Variants in KLF9 observed in about 807,000 individuals in gnomAD.
The protein encoded by KLF9 is KLF transcription factor 9, also known as Krueppel-like factor 9.
A neutral mutation model predicts 17.3 loss-of-function variants in KLF9; 2 were observed. That is an observed-to-expected ratio of 0.12 (90% confidence interval 0.05 to 0.36). KLF9 has a LOEUF of 0.36. Ranked by LOEUF, KLF9 falls within the 10% of genes least tolerant of loss-of-function variation. KLF9 has a pLI of 1.00. For synonymous variants in KLF9, 138 were observed against 139.2 expected, an observed-to-expected ratio of 0.99 and a Z score of 0.06; for missense variants, 226 against 333.2, an observed-to-expected ratio of 0.68 and a Z score of 2.51.
At position 70,413,367 on chromosome 9, in the gene KLF9, G is replaced by GCGGGCGACGGCAGCC. The variant is rs1020450395; in HGVS notation, c.-19_-5dup. On this transcript the variant is annotated 5_prime_UTR_variant, in exon 1 of 2. Coordinates refer to ENST00000377126, the MANE Select transcript of KLF9 (RefSeq NM_001206.4). This position sits in a 1 kb window ranked among gnomAD's most constrained non-coding sequence, Gnocchi z 5.6. ...CCATGTAGGCGGCCGCGGACATGGT[G>GCGGGCGACGGCAGCC]CGGGCGACGGCAGCCCAGGCGGCGC... is the stretch of plus-strand genomic sequence containing the variant. 2.0e-6 allele frequency: 3 copies of GCGGGCGACGGCAGCC among 1,510,164 alleles called. No homozygotes were observed. In the Admixed American group the frequency reaches 6.2e-5, roughly 31 times the overall value. The allele number at this position is 1,510,164 out of a possible 1,614,324, so 93.5% of individuals were successfully genotyped here.
At chr9:70,410,993 A>G (rs187041356) in intron 1 of KLF9, among the ~76,000 whole-genome samples, 1 of 152,354 alleles carries the variant, frequency 6.6e-6, no homozygotes, top group East Asian at 1.9e-4. Context: ...CTGAATGAAC[A>G]TCTCACTTCG....
In KLF9 at chr9:70,413,070, G is replaced by T. The variant is rs2037339222; in HGVS notation, c.294C>A (p.Asp98Glu). The change falls in exon 1 of 2, where the codon GAC (aspartate) becomes GAA (glutamate). Residue 98 changes from aspartate (D) to glutamate (E), a missense_variant. Transcript: ENST00000377126. This position sits in a 1 kb window ranked among gnomAD's most constrained non-coding sequence, Gnocchi z 5.6. ...SPDEDMGSDS[D>E]VTTESGSSPS... ...GACTCGACCCAGATTCGGTGGTCACGTCGCTGTCGGATCCCATATCCTCAT... is the reference window on the plus strand; with the variant it reads ...GACTCGACCCAGATTCGGTGGTCACTTCGCTGTCGGATCCCATATCCTCAT... 1.2e-6 allele frequency: 2 copies of T among 1,613,932 alleles called. No homozygotes were observed. The highest frequency in any genetic ancestry group is 1.3e-5 in the African/African-American group (1 of 74,902).
rs760670637 is a variant in KLF9 at position 70,413,061 on chromosome 9, G to C, written c.303C>G (p.Thr101=). Residue 101 remains threonine, a synonymous_variant, in exon 1 of 2, where the codon ACC becomes ACG. Coordinates refer to ENST00000377126, the MANE Select transcript of KLF9 (RefSeq NM_001206.4). This position sits in a 1 kb window ranked among gnomAD's most constrained non-coding sequence, Gnocchi z 5.6. ...TGTGGGAAGGACTCGACCCAGATTC[G>C]GTGGTCACGTCGCTGTCGGATCCCA... ...EDMGSDSDVT[T]ESGSSPSHSP... is the part of the protein sequence containing the mutation. The C allele has an allele frequency of 6.2e-7, 1 of 1,614,086 alleles. No homozygotes were observed. Among genetic ancestry groups the C allele is most frequent in the Non-Finnish European group, 8.5e-7 (1 of 1,179,966 alleles).
intron 1 of KLF9, among the ~76,000 whole-genome samples, chr9:70,412,339 T>C (rs2037325686): frequency 1.3e-5 from 2 of 151,852 alleles, no homozygotes; most frequent in Admixed American, 1.3e-4. Flanking sequence ...CCCAGCCAAA[T>C]TTAAAACCAC....
At position 70,412,873 on chromosome 9, in the gene KLF9, T is replaced by C; in HGVS notation, c.491A>G (p.Tyr164Cys). The change falls in exon 1 of 2, where the codon TAC becomes TGC. Residue 164 changes from tyrosine (Y) to cysteine (C), a missense_variant. Tyr to Cys is a radical substitution (Grantham distance 194, BLOSUM62 -2). Coordinates refer to ENST00000377126, the MANE Select transcript of KLF9 (RefSeq NM_001206.4). ...YGKSSHLKAH[Y>C]RVHTGERPFP... ...ACGCCGCTAACCTGTATGCACTCTG[T>C]AATGGGCTTTGAGATGGGAGGATTT... The C allele has an allele frequency of 1.9e-6, 3 of 1,600,658 alleles. No individual in the cohort carries two copies. The highest frequency in any genetic ancestry group is 2.6e-6 in the Non-Finnish European group (3 of 1,173,144).
chr9:70,400,720 C>T (rs949947058), intron 1 of KLF9, among the ~76,000 whole-genome samples: 1 of 152,178 alleles, frequency 6.6e-6, no homozygotes, highest in African/African-American at 2.4e-5. Flanking sequence ...TGGGCTCAAC[C>T]TCTGCACACT....
intron 1 of KLF9, among the ~76,000 whole-genome samples, chr9:70,412,576 C>A (rs1238891219): frequency 6.8e-6 from 1 of 146,312 alleles, no homozygotes; most frequent in Non-Finnish European, 1.5e-5. Context: ...GGGGGCGGGG[C>A]GGGACAGGGG....
rs1353199835 is a variant in KLF9 at position 70,387,845 on chromosome 9, G to A, written c.666C>T (p.Ala222=). The change falls in exon 2 of 2, where the codon GCC becomes GCT. Residue 222 remains alanine, a synonymous_variant. Coordinates refer to ENST00000377126, the MANE Select transcript of KLF9 (RefSeq NM_001206.4). ...FMRSDHLTKH[A]RRHTEFHPSM... The stretch of plus-strand genomic sequence containing the variant: ...TGGGGTGGAACTCGGTGTGCCGCCG[G>A]GCGTGCTTTGTGAGGTGGTCACTCC... 6.2e-7 allele frequency: 1 copy of A among 1,612,954 alleles called. No homozygotes were observed. The highest frequency in any genetic ancestry group is 2.2e-5 in the East Asian group (1 of 44,772).
chr9:70,393,497 G>A (rs542801869), intron 1 of KLF9, among the ~76,000 whole-genome samples: 1 of 152,264 alleles, frequency 6.6e-6, no homozygotes, highest in African/African-American at 2.4e-5. Context: ...CTGGGGTCAG[G>A]GAGGCCTGCC....
Position 70,384,647 on chromosome 9 carries a change from T to C in KLF9, c.*3129A>G, listed in dbSNP as rs1195450979. The C allele has an allele frequency of 2.0e-5, 3 of 152,654 alleles. No homozygotes were observed. Among genetic ancestry groups the C allele is most frequent in the African/African-American group, 7.2e-5 (3 of 41,462 alleles). 9.5% of individuals were successfully genotyped at this position (152,654 alleles called of 1,614,324 possible). A position where few individuals can be genotyped will look rare whatever the true frequency, so the allele number is the denominator to read the frequency against. ...TATTTGGACAACATATATACATATGTACAAAATACCTACTGTCAGAATCCT... is the reference window on the plus strand; with the variant it reads ...TATTTGGACAACATATATACATATGCACAAAATACCTACTGTCAGAATCCT... On this transcript the variant is annotated 3_prime_UTR_variant, in exon 2 of 2. Coordinates refer to ENST00000377126, the MANE Select transcript of KLF9 (RefSeq NM_001206.4).
intron 1 of KLF9, among the ~76,000 whole-genome samples, chr9:70,394,298 T>TACACAC (rs61688107): frequency 0.17 from 25,811 of 150,084 alleles, 2,705 homozygotes; most frequent in African/African-American, 0.3. Flanking sequence ...TAACAGCTCA[T>TACACAC]ACACACACAC....
At chr9:70,389,965 A>C (rs2037141736) in intron 1 of KLF9, among the ~76,000 whole-genome samples, 1 of 152,202 alleles carries the variant, frequency 6.6e-6, no homozygotes, top group Non-Finnish European at 1.5e-5. Flanking sequence ...CAGAACCCAT[A>C]GAGAAACTGC....
chr9:70,407,743 A>G (rs1000442407), intron 1 of KLF9, among the ~76,000 whole-genome samples: 2 of 152,246 alleles, frequency 1.3e-5, no homozygotes, highest in Non-Finnish European at 2.9e-5. Flanking sequence ...CTGGGGGCTG[A>G]AGAACAGTCT....
Position 70,413,543 on chromosome 9 carries a change from C to T in KLF9, c.-180G>A, listed in dbSNP as rs1291185360. The T allele has an allele frequency of 1.4e-5, 7 of 484,060 alleles. No homozygotes were observed. The highest frequency in any genetic ancestry group is 9.7e-5 in the South Asian group (1 of 10,300). 30.0% of individuals were successfully genotyped at this position (484,060 alleles called of 1,614,324 possible). On this transcript the variant is annotated 5_prime_UTR_variant, in exon 1 of 2. Transcript: ENST00000377126. This position sits in a 1 kb window ranked among gnomAD's most constrained non-coding sequence, Gnocchi z 5.6. Reference sequence around the variant, plus strand: ...AGGAGCGCCGAGGCGACCTCAGCCCCTCATCTTTACGTAACCGGCAGCGCC... The same window carrying T: ...AGGAGCGCCGAGGCGACCTCAGCCCTTCATCTTTACGTAACCGGCAGCGCC...
At position 70,396,738 on chromosome 9, in the gene KLF9, T is replaced by C. The variant is rs865816859; in HGVS notation, c.506-8733A>G. ...AACTTCTACTTCCTTTTGTAATTTT[T>C]CCCTATGTTTTCTGATTTTTTAAAC... is the stretch of plus-strand genomic sequence containing the variant. On this transcript the variant is annotated intron_variant, in intron 1 of 1. Transcript: ENST00000377126. Among the ~76,000 whole-genome samples the C allele has an allele frequency of 3.9e-4, 59 of 152,362 alleles. No individual in the cohort carries two copies. The Middle Eastern group carries it at 0.01, about 26-fold the overall frequency.
intron 1 of KLF9, among the ~76,000 whole-genome samples, chr9:70,392,834 A>C (rs148745208): frequency 1.3e-5 from 2 of 152,156 alleles, no homozygotes; most frequent in African/African-American, 4.8e-5. Context: ...CAATTAGAGA[A>C]TCTTTAAACC....
chr9:70,395,975 G>A (rs1467218279), intron 1 of KLF9, among the ~76,000 whole-genome samples: 6 of 151,988 alleles, frequency 3.9e-5, no homozygotes, highest in Non-Finnish European at 8.8e-5. Flanking sequence ...AAATACTAAT[G>A]ACCAAGAAAT....
At chr9:70,390,632 TACACACACAC>T (rs375788345) in intron 1 of KLF9, among the ~76,000 whole-genome samples, 3 of 150,910 alleles carry the variant, frequency 2.0e-5, no homozygotes, top group Admixed American at 2.0e-4. Context: ...GCTCAAACTT[TACACACACAC>T]ACACACATAC....
At chr9:70,388,502 T>C (rs1288290941) in intron 1 of KLF9, among the ~76,000 whole-genome samples, 1 of 152,182 alleles carries the variant, frequency 6.6e-6, no homozygotes, top group Admixed American at 6.5e-5. Flanking sequence ...AATGAGAAAG[T>C]TGCTAACATC....
Sources: gnomAD v4.1 joint callset for allele counts (sites outside exome capture counted in the v4.1 genomes callset) on GRCh38, gnomAD v4.1.1 for gene constraint, Gnocchi (gnomAD v3.1) non-coding constraint, MANE v1.5 for transcripts, NCBI Gene and HGNC (gene_info 2026-07-23, HGNC 2026-07-21) for gene names.